Variants in IGF1R observed in about 807,000 individuals in gnomAD.
IGF1R encodes the protein insulin-like growth factor 1 receptor.
In IGF1R, 44 loss-of-function variants were observed where a neutral mutation model predicts 144.6. The ratio of observed to expected loss-of-function variants is 0.30; its 90% CI spans 0.24 to 0.39. The LOEUF (loss-of-function observed/expected upper bound fraction) is 0.39, where lower values mean the gene tolerates loss of function less well. IGF1R is among the 10% of genes least tolerant of loss of function. The pLI, the probability that IGF1R is intolerant of heterozygous loss-of-function variation, is 1.00. For missense variants in IGF1R, 1,355 were observed against 1,833.7 expected (o/e 0.74, Z 4.77); for synonymous variants, 795 against 722.8 (o/e 1.10, Z -1.60).
chr15:98,669,326 G>A (rs1345231008), intron 1 of IGF1R, among the ~76,000 whole-genome samples: 1 of 152,184 alleles, frequency 6.6e-6, no homozygotes, highest in African/African-American at 2.4e-5. Flanking sequence ...ACAAACCCAT[G>A]TGAGGTTTTC....
intron 2 of IGF1R, among the ~76,000 whole-genome samples, chr15:98,815,020 C>G (rs1368487568): frequency 6.6e-6 from 1 of 151,986 alleles, no homozygotes; most frequent in Non-Finnish European, 1.5e-5. Flanking sequence ...AGCTTTTTTT[C>G]TTACCAGAAA....
At chr15:98,652,370 G>A (rs1181628937) in intron 1 of IGF1R, among the ~76,000 whole-genome samples, 2 of 152,240 alleles carry the variant, frequency 1.3e-5, no homozygotes, top group Non-Finnish European at 2.9e-5. Flanking sequence ...ATGTAGGTAT[G>A]TGAAATGTTG....
At chr15:98,839,751 C>A (rs1407920316) in intron 2 of IGF1R, among the ~76,000 whole-genome samples, 5 of 152,190 alleles carry the variant, frequency 3.3e-5, no homozygotes, top group Non-Finnish European at 7.3e-5. Context: ...GCCCAGCCTC[C>A]ACAGTGGCTG....
chr15:98,696,322 T>C (rs1346884180), intron 1 of IGF1R, among the ~76,000 whole-genome samples: 4 of 152,218 alleles, frequency 2.6e-5, no homozygotes, highest in Non-Finnish European at 5.9e-5. Flanking sequence ...AATGTTGAAA[T>C]CTACAGTACT....
chr15:98,957,992 C>T lies in IGF1R; in HGVS notation c.*550C>T, dbSNP rs1234668184. ...ATGAAATTTACAAAGGGCCATCGTTCATCCAAGGCTGTTACCATTTTAACG... is the reference window on the plus strand; with the variant it reads ...ATGAAATTTACAAAGGGCCATCGTTTATCCAAGGCTGTTACCATTTTAACG... On this transcript the variant is annotated 3_prime_UTR_variant, in exon 21 of 21. Coordinates refer to ENST00000650285, the MANE Select transcript of IGF1R (RefSeq NM_000875.5). 3 of 235,196 alleles carry T rather than the reference C, an allele frequency of 1.3e-5. No homozygotes were observed. In the East Asian group the frequency reaches 1.8e-4, roughly 14 times the overall value. 14.6% of individuals were successfully genotyped at this position (235,196 alleles called of 1,614,324 possible).
chr15:98,845,481 CTCCTCCTCCT>C (rs2011283108), intron 2 of IGF1R, among the ~76,000 whole-genome samples: 2 of 121,816 alleles, frequency 1.6e-5, no homozygotes, highest in East Asian at 2.8e-4. Flanking sequence ...CTCCTCCTCC[CTCCTCCTCCT>C]TCCTTCTCCT....
chr15:98,736,598 ATTTTCTT>A (rs1018774193), intron 2 of IGF1R, among the ~76,000 whole-genome samples: 18 of 138,012 alleles, frequency 1.3e-4, no homozygotes, highest in South Asian at 4.5e-4. Context: ...TAGTGGGAAT[ATTTTCTT>A]TTTTCTTTTT....
chr15:98,682,943 T>A (rs531457690), intron 1 of IGF1R, among the ~76,000 whole-genome samples: 13 of 151,550 alleles, frequency 8.6e-5, no homozygotes, highest in African/African-American at 3.2e-4. Context: ...TGGAGCAGGC[T>A]CCGGGGCACC....
chr15:98,939,994 G>A (rs1379450705), intron 18 of IGF1R, among the ~76,000 whole-genome samples: 1 of 152,126 alleles, frequency 6.6e-6, no homozygotes, highest in Non-Finnish European at 1.5e-5. Flanking sequence ...CTCCCTTGTT[G>A]CCACCACCCA....
intron 2 of IGF1R, among the ~76,000 whole-genome samples, chr15:98,863,987 G>A (rs527601984): frequency 6.6e-6 from 1 of 152,176 alleles, no homozygotes; most frequent in African/African-American, 2.4e-5. Context: ...GCTGGGTGTG[G>A]TGCCTCATGC....
chr15:98,739,883 C>T (rs1035794843), intron 2 of IGF1R, among the ~76,000 whole-genome samples: 4 of 152,144 alleles, frequency 2.6e-5, no homozygotes, highest in East Asian at 1.9e-4. Context: ...TGAGCCACCG[C>T]GCCTGGCCTG....
At chr15:98,713,836 C>A (rs1263934322) in intron 2 of IGF1R, among the ~76,000 whole-genome samples, 4 of 152,150 alleles carry the variant, frequency 2.6e-5, no homozygotes, top group Non-Finnish European at 5.9e-5. Context: ...ACTTTTTAAC[C>A]CATTGGGATG....
intron 1 of IGF1R, chr15:98,650,884 G>A: frequency 3.1e-6 from 3 of 983,428 alleles, no homozygotes; most frequent in Non-Finnish European, 3.6e-6. Context: ...GTGTCGGGTG[G>A]GGGTTAGTAG....
intron 1 of IGF1R, among the ~76,000 whole-genome samples, chr15:98,695,172 G>A (rs2053567946): frequency 6.6e-6 from 1 of 152,206 alleles, no homozygotes; most frequent in Non-Finnish European, 1.5e-5. Flanking sequence ...TGGGATATAA[G>A]GTCTGAAATA....
intron 1 of IGF1R, chr15:98,660,660 T>A (rs758280957): frequency 1.3e-5 from 2 of 152,144 alleles, no homozygotes; most frequent in Admixed American, 1.3e-4. Flanking sequence ...AATAAAATTA[T>A]CTTTAAAATC....
chr15:98,673,259 A>G (rs1455934853), intron 1 of IGF1R, among the ~76,000 whole-genome samples: 3 of 152,208 alleles, frequency 2.0e-5, no homozygotes, highest in Non-Finnish European at 4.4e-5. Context: ...TGTGTGTATC[A>G]TTACACTATT....
At chr15:98,945,553 C>T (rs1425656100) in intron 19 of IGF1R, among the ~76,000 whole-genome samples, 1 of 151,922 alleles carries the variant, frequency 6.6e-6, no homozygotes. Context: ...TATATGAAGT[C>T]ATGAAGAGCC....
chr15:98,789,818 G>T (rs573178930), intron 2 of IGF1R, among the ~76,000 whole-genome samples: 1 of 152,166 alleles, frequency 6.6e-6, no homozygotes, highest in East Asian at 1.9e-4. Flanking sequence ...AGCTTTGGGG[G>T]CGAGTTATCT....
intron 2 of IGF1R, among the ~76,000 whole-genome samples, chr15:98,864,476 C>A (rs536003840): frequency 4.6e-5 from 7 of 152,298 alleles, no homozygotes; most frequent in African/African-American, 1.7e-4. Context: ...GGAGCCTCAA[C>A]CTCCCAGGTT....
Sources: gnomAD v4.1 joint callset for allele counts (sites outside exome capture counted in the v4.1 genomes callset) on GRCh38, gnomAD v4.1.1 for gene constraint, MANE v1.5 for transcripts, NCBI Gene and HGNC (gene_info 2026-07-23, HGNC 2026-07-21) for gene names.